The following HSF1 variants were observed in gnomAD, a reference collection of about 807,000 sequenced individuals.
The protein encoded by HSF1 is heat shock factor protein 1.
HSF1 carries 32 observed loss-of-function variants against 51.7 expected under a neutral mutation model. That is an observed-to-expected ratio of 0.62 (90% CI 0.47 to 0.83). The LOEUF (loss-of-function observed/expected upper bound fraction) is 0.83, where lower values mean the gene tolerates loss of function less well. Ranked by LOEUF, HSF1 falls within the 40% of genes least tolerant of loss-of-function variation. The pLI, the probability that HSF1 is intolerant of heterozygous loss-of-function variation, is 0.00. For missense variants in HSF1, 727 were observed against 717.0 expected (o/e 1.01, Z -0.16); for synonymous variants, 396 against 309.7 (o/e 1.28, Z -2.92).
chr8:144,314,242 C>G lies in HSF1; in HGVS notation c.1502C>G (p.Ser501Cys). 1 of 1,550,472 alleles carries G rather than the reference C, an allele frequency of 6.4e-7. No homozygotes were observed. The highest frequency in any genetic ancestry group is 8.7e-7 in the Non-Finnish European group (1 of 1,147,006). Residue 501 changes from serine (S) to cysteine (C), a missense_variant, in exon 13 of 13, where the codon TCC becomes TGC. By Grantham distance (112) the Ser-to-Cys change is moderately radical (BLOSUM62 -1). Transcript: ENST00000528838. ...LFELGEGSYFSEGDGFAEDPT... is the reference protein window; with the variant it reads ...LFELGEGSYFCEGDGFAEDPT... Reference sequence around the variant, plus strand: ...GAGCTGGGAGAGGGCTCCTACTTCTCCGAAGGGGACGGCTTCGCCGAGGAC... The same window carrying G: ...GAGCTGGGAGAGGGCTCCTACTTCTGCGAAGGGGACGGCTTCGCCGAGGAC...
chr8:144,298,147 A>G (rs1426709122), intron 1 of HSF1, among the ~76,000 whole-genome samples: 1 of 152,114 alleles, frequency 6.6e-6, no homozygotes, highest in Non-Finnish European at 1.5e-5. Context: ...ACCTTGTTCC[A>G]CTGAGGCAGG....
At chr8:144,298,553 C>T (rs553210325) in intron 1 of HSF1, among the ~76,000 whole-genome samples, 20 of 150,338 alleles carry the variant, frequency 1.3e-4, no homozygotes, top group African/African-American at 3.2e-4. Flanking sequence ...TGCAGTGAGC[C>T]GAGATTGCGC....
intron 1 of HSF1, among the ~76,000 whole-genome samples, chr8:144,298,468 G>T (rs1474087403): frequency 1.3e-5 from 2 of 151,618 alleles, no homozygotes; most frequent in Non-Finnish European, 2.9e-5. Flanking sequence ...AGCCAGGCGT[G>T]GTGGTGCGTG....
intron 9 of HSF1, chr8:144,312,590 CT>C: frequency 6.6e-7 from 1 of 1,515,062 alleles, no homozygotes; most frequent in Non-Finnish European, 8.9e-7. Context: ...CCCCCAGCCC[CT>C]GCCTGCAATG....
At position 144,297,059 on chromosome 8, in the gene HSF1, T is replaced by C. The variant is rs1376455564; in HGVS notation, c.117+5185T>C. Among the ~76,000 whole-genome samples, 2 of 152,104 alleles carry C rather than the reference T, an allele frequency of 1.3e-5. No individual in the cohort carries two copies. Among genetic ancestry groups the C allele is most frequent in the Non-Finnish European group, 2.9e-5 (2 of 68,018 alleles). On this transcript the variant is annotated intron_variant, in intron 1 of 12. Coordinates refer to ENST00000528838, the MANE Select transcript of HSF1 (RefSeq NM_005526.4). This position sits in a 1 kb window ranked among gnomAD's most constrained non-coding sequence, Gnocchi z 4.6. ...AGGCTAGTGTTTGCTCAGTCCTTTA[T>C]TGAGGGACCAGGGATGGACAGCCTG...
chr8:144,309,409 T>C (rs1554843860), intron 2 of HSF1, 46 bp from the exon 3 acceptor site: 1 of 1,609,698 alleles, frequency 6.2e-7, no homozygotes, highest in South Asian at 1.1e-5. Flanking sequence ...TCAGGGGTTC[T>C]GGTCCCGCCC....
chr8:144,295,386 C>T (rs988024323), intron 1 of HSF1, among the ~76,000 whole-genome samples: 7 of 152,180 alleles, frequency 4.6e-5, no homozygotes, highest in African/African-American at 1.7e-4. Context: ...AGATTACAGC[C>T]CCAGGAGCCA....
intron 1 of HSF1, among the ~76,000 whole-genome samples, chr8:144,304,733 A>G (rs775629359): frequency 4.0e-5 from 6 of 151,352 alleles, no homozygotes; most frequent in Non-Finnish European, 7.4e-5. Flanking sequence ...TACAACTTCT[A>G]CCTCCCGGGT....
At chr8:144,309,297 G>A (rs1816437438) in intron 2 of HSF1, 158 bp from the exon 3 acceptor site, 1 of 995,582 alleles carries the variant, frequency 1.0e-6, no homozygotes, top group Non-Finnish European at 1.5e-6. Flanking sequence ...GTCTCCCTTA[G>A]ACCAAGGCCA....
At chr8:144,296,758 G>T (rs1554841372) in intron 1 of HSF1, among the ~76,000 whole-genome samples, 1 of 150,754 alleles carries the variant, frequency 6.6e-6, no homozygotes, top group Non-Finnish European at 1.5e-5. Flanking sequence ...AGTGAGCTGA[G>T]ATCGCGCCAT....
intron 1 of HSF1, among the ~76,000 whole-genome samples, chr8:144,295,892 A>G (rs1206778297): frequency 6.6e-6 from 1 of 152,142 alleles, no homozygotes; most frequent in Non-Finnish European, 1.5e-5. Context: ...ACCTACCTGC[A>G]TTCGGATGGC....
chr8:144,302,774 A>G (rs1554842639), intron 1 of HSF1, among the ~76,000 whole-genome samples: 1 of 152,034 alleles, frequency 6.6e-6, no homozygotes, highest in Non-Finnish European at 1.5e-5. Context: ...GTGAGCCCAG[A>G]TCGCGCCACT....
At position 144,314,287 on chromosome 8, in the gene HSF1, C is replaced by G. The variant is rs1564627539; in HGVS notation, c.1547C>G (p.Thr516Arg). The G allele has an allele frequency of 6.4e-7, 1 of 1,550,988 alleles. No individual in the cohort carries two copies. The highest frequency in any genetic ancestry group is 8.7e-7 in the Non-Finnish European group (1 of 1,147,292). The change falls in exon 13 of 13, where the codon ACA (threonine) becomes AGA (arginine). Residue 516 changes from threonine to arginine, a missense_variant. Thr to Arg is a moderately conservative substitution (Grantham distance 71). Coordinates refer to ENST00000528838, the MANE Select transcript of HSF1 (RefSeq NM_005526.4). ...FAEDPTISLL[T>R]GSEPPKAKDP... ...GAGGACCCCACCATCTCCCTGCTGA[C>G]AGGCTCGGAGCCTCCCAAAGCCAAG...
Position 144,314,211 on chromosome 8 carries a change from C to G in HSF1, c.1471C>G (p.Leu491Val). The G allele has an allele frequency of 6.5e-7, 1 of 1,550,126 alleles. No individual in the cohort carries two copies. Among genetic ancestry groups the G allele is most frequent in the Non-Finnish European group, 8.7e-7 (1 of 1,146,886 alleles). Residue 491 changes from leucine to valine, a missense_variant, in exon 13 of 13, where the codon CTG becomes GTG. Leu to Val is a conservative substitution (Grantham distance 32, BLOSUM62 1). Around this residue, in one of 2 missense-constraint regions of HSF1, gnomAD observed 470 missense variants for 398.8 expected, o/e 1.18. Coordinates refer to ENST00000528838, the MANE Select transcript of HSF1 (RefSeq NM_005526.4). ...VDTGSNDLPVLFELGEGSYFS... is the reference protein window; with the variant it reads ...VDTGSNDLPVVFELGEGSYFS... ...CACCGGGAGCAACGACCTGCCGGTG[C>G]TGTTTGAGCTGGGAGAGGGCTCCTA... is the stretch of plus-strand genomic sequence containing the variant.
intron 1 of HSF1, among the ~76,000 whole-genome samples, chr8:144,305,756 G>A (rs1270765858): frequency 9.9e-5 from 10 of 100,672 alleles, no homozygotes; most frequent in South Asian, 6.4e-4. Flanking sequence ...TTTTTGAGAC[G>A]GAGTCTCACT....
intron 1 of HSF1, among the ~76,000 whole-genome samples, chr8:144,295,228 G>A (rs1815376426): frequency 1.3e-5 from 2 of 152,260 alleles, no homozygotes; most frequent in African/African-American, 4.8e-5. Context: ...CAGAGAATTT[G>A]ACAGCATGGA....
At position 144,311,364 on chromosome 8, in the gene HSF1, T is replaced by G; in HGVS notation, c.608T>G (p.Leu203Arg). 6.2e-7 allele frequency: 1 copy of G among 1,613,994 alleles called. No individual in the cohort carries two copies. Among genetic ancestry groups the G allele is most frequent in the Non-Finnish European group, 8.5e-7 (1 of 1,179,992 alleles). Residue 203 changes from leucine to arginine, a missense_variant, in exon 6 of 13, where the codon CTG becomes CGG. Physicochemically the swap from Leu to Arg is moderately radical, Grantham distance 102 (BLOSUM62 -2). Transcript: ENST00000528838. ...TCACTGGTGCAGTCAAACCGGATCC[T>G]GGGGGTGAAGAGAAAGATGTGAGGT... ...LISLVQSNRI[L>R]GVKRKIPLML...
At chr8:144,306,512 G>C (rs1010536798) in intron 1 of HSF1, among the ~76,000 whole-genome samples, 1 of 152,030 alleles carries the variant, frequency 6.6e-6, no homozygotes, top group Non-Finnish European at 1.5e-5. Context: ...ATAGGTGTGC[G>C]CCACCACGCC....
chr8:144,311,701 C>T lies in HSF1; in HGVS notation c.725C>T (p.Ala242Val), dbSNP rs573797663. 11 of 1,608,628 alleles carry T rather than the reference C, an allele frequency of 6.8e-6. No individual in the cohort carries two copies. The highest frequency in any genetic ancestry group is 9.3e-6 in the Non-Finnish European group (11 of 1,177,342). The change falls in exon 8 of 13, where the codon GCC becomes GTC. Residue 242 changes from alanine (A) to valine (V), a missense_variant and splice_region_variant. Physicochemically the swap from Ala to Val is moderately conservative, Grantham distance 64. This residue lies in a region of HSF1 where 470 missense variants were observed against 398.8 expected (regional missense o/e 1.18). Coordinates refer to ENST00000528838, the MANE Select transcript of HSF1 (RefSeq NM_005526.4). ...EHVHGSGPYSAPSPAYSSSSL... is the reference protein window; with the variant it reads ...EHVHGSGPYSVPSPAYSSSSL... ...TGGACCTCCTGCCTTTGATTGCAGG[C>T]CCCCTCCCCAGCCTACAGCAGCTCC... is the stretch of plus-strand genomic sequence containing the variant.
Sources: allele counts gnomAD v4.1 joint callset (sites outside exome capture counted in the v4.1 genomes callset), GRCh38; gene constraint gnomAD v4.1.1; regional missense constraint gnomAD v4.1.1; non-coding constraint Gnocchi (gnomAD v3.1); transcripts MANE v1.5; gene names NCBI Gene and HGNC (gene_info 2026-07-23, HGNC 2026-07-21).